Variants in MED12L observed in about 807,000 individuals in gnomAD.
MED12L encodes mediator of RNA polymerase II transcription subunit 12-like protein.
In MED12L, 60 loss-of-function variants were observed where a neutral mutation model predicts 281.3. That is an observed-to-expected ratio of 0.21 (90% confidence interval 0.17 to 0.26). The LOEUF (loss-of-function observed/expected upper bound fraction) is 0.26. Ranked by LOEUF, MED12L falls within the 10% of genes least tolerant of loss-of-function variation. MED12L has a pLI of 1.00. For synonymous variants in MED12L, 974 were observed against 987.2 expected (o/e 0.99, Z 0.25); for missense variants, 2,146 against 2,680.9 (o/e 0.80, Z 4.41).
intron 16 of MED12L, among the ~76,000 whole-genome samples, chr3:151,283,404 ATTTTCTC>A (rs1743070959): frequency 6.6e-6 from 1 of 152,222 alleles, no homozygotes; most frequent in African/African-American, 2.4e-5. Flanking sequence ...TTGTATGTGT[ATTTTCTC>A]TTTTCAGTAT....
At chr3:151,122,649 T>C (rs1322071378) in intron 3 of MED12L, 134 bp from the exon 4 acceptor site, 1 of 638,556 alleles carries the variant, frequency 1.6e-6, no homozygotes, top group South Asian at 3.2e-5. Context: ...CTTCAAAGAC[T>C]TAAATTCCCA....
chr3:151,324,201 A>T (rs572770587), intron 16 of MED12L, among the ~76,000 whole-genome samples: 1 of 152,338 alleles, frequency 6.6e-6, no homozygotes, highest in East Asian at 1.9e-4. Flanking sequence ...TATTTGTCTC[A>T]TAAGATTGTA....
At chr3:151,189,117 G>A (rs1723636854) in intron 13 of MED12L, among the ~76,000 whole-genome samples, 1 of 152,118 alleles carries the variant, frequency 6.6e-6, no homozygotes, top group Non-Finnish European at 1.5e-5. Flanking sequence ...TAAGGTAACA[G>A]AAAAATGGCA....
intron 17 of MED12L, among the ~76,000 whole-genome samples, chr3:151,352,180 G>C (rs1039402537): frequency 3.3e-5 from 5 of 152,138 alleles, no homozygotes; most frequent in Non-Finnish European, 4.4e-5. Flanking sequence ...TTAATAAACT[G>C]TGTTGTGTGT....
chr3:151,351,568 T>C (rs1753242673), intron 17 of MED12L, among the ~76,000 whole-genome samples: 1 of 152,196 alleles, frequency 6.6e-6, no homozygotes, highest in East Asian at 1.9e-4. Context: ...TGGTGTTTTC[T>C]CTGTCTTAGA....
chr3:151,114,033 A>G (rs559748362), intron 2 of MED12L, among the ~76,000 whole-genome samples: 2 of 152,168 alleles, frequency 1.3e-5, no homozygotes, highest in Non-Finnish European at 2.9e-5. Context: ...TTCTCATCCT[A>G]CTTTCCCCCT....
chr3:151,294,928 A>G lies in MED12L; in HGVS notation c.2251-55131A>G, dbSNP rs1744873135. ...TGCAGAGAATAAACTTGAAGTACCA[A>G]GGTCCAAATCCTGCATCATGGACTA... On this transcript the variant is annotated intron_variant, in intron 16 of 44. Coordinates refer to ENST00000687756, the MANE Select transcript of MED12L (RefSeq NM_001393769.1). 18 of 1,614,210 alleles carry G rather than the reference A, an allele frequency of 1.1e-5. No individual in the cohort carries two copies. In the East Asian group the frequency reaches 3.8e-4, roughly 34 times the overall value.
chr3:151,185,570 A>G, intron 12 of MED12L, 109 bp downstream of exon 12: 3 of 1,198,900 alleles, frequency 2.5e-6, no homozygotes, highest in Middle Eastern at 2.7e-4. Flanking sequence ...CTCTTGAGGA[A>G]AAAAGGGAGG....
At chr3:151,092,933 G>C (rs1720248510) in intron 2 of MED12L, among the ~76,000 whole-genome samples, 1 of 152,188 alleles carries the variant, frequency 6.6e-6, no homozygotes. Flanking sequence ...GCTGTTTTCA[G>C]CTTCTCACAG....
chr3:151,328,067 C>T, intron 16 of MED12L: 1 of 1,609,796 alleles, frequency 6.2e-7, no homozygotes, highest in South Asian at 1.1e-5. Context: ...CCCTTGCATA[C>T]ATGGTAGCTT....
chr3:151,192,797 C>T lies in MED12L; in HGVS notation c.2073+143C>T, dbSNP rs905000956. 3 of 669,858 alleles carry T rather than the reference C, an allele frequency of 4.5e-6. No individual in the cohort carries two copies. In the African/African-American group the frequency reaches 5.4e-5, roughly 12 times the overall value. 41.5% of individuals were successfully genotyped at this position (669,858 alleles called of 1,614,324 possible). A position where few individuals can be genotyped will look rare whatever the true frequency, so the allele number is the denominator to read the frequency against. The stretch of plus-strand genomic sequence containing the variant: ...CATATTCTTCCTTTGGTACAATTAT[C>T]ATCTGACACAATTGGGTCATCCTCA... On this transcript the variant is annotated intron_variant, in intron 15 of 44. Transcript: ENST00000687756.
Position 151,432,808 on chromosome 3 carries a change from T to A in MED12L, c.*4T>A. The A allele has an allele frequency of 6.2e-7, 1 of 1,611,552 alleles. No homozygotes were observed. Among genetic ancestry groups the A allele is most frequent in the Non-Finnish European group, 8.5e-7 (1 of 1,178,176 alleles). The stretch of plus-strand genomic sequence containing the variant: ...TGGGCATCCTTCACACTTCTGAATC[T>A]GCAAGAGGAGAAGACATGACGTTTT... On this transcript the variant is annotated 3_prime_UTR_variant, in exon 45 of 45. Coordinates refer to ENST00000687756, the MANE Select transcript of MED12L (RefSeq NM_001393769.1).
intron 17 of MED12L, among the ~76,000 whole-genome samples, chr3:151,350,514 TAATA>T (rs373768022): frequency 4.6e-5 from 7 of 152,286 alleles, no homozygotes; most frequent in African/African-American, 1.7e-4. Context: ...TCTATAGTAG[TAATA>T]AATGAAGTAC....
rs1720169061 is a variant in MED12L, at chr3:151,436,188, A to C, written c.*3384A>C. The C allele has an allele frequency of 6.5e-6, 1 of 153,232 alleles. No individual in the cohort carries two copies. Among genetic ancestry groups the C allele is most frequent in the African/African-American group, 2.4e-5 (1 of 41,452 alleles). The allele number at this position is 153,232 out of a possible 1,614,324, so 9.5% of individuals were successfully genotyped here. A position where few individuals can be genotyped will look rare whatever the true frequency, so the allele number is the denominator to read the frequency against. ...GTGTGAACAAATGGTGAATCATAAG[A>C]CAGTTCAGTGCTTATTTTCTGTAGG... On this transcript the variant is annotated 3_prime_UTR_variant, in exon 45 of 45. Coordinates refer to ENST00000687756, the MANE Select transcript of MED12L (RefSeq NM_001393769.1).
intron 16 of MED12L, among the ~76,000 whole-genome samples, chr3:151,254,970 T>C (rs1488998758): frequency 6.6e-6 from 1 of 152,230 alleles, no homozygotes; most frequent in African/African-American, 2.4e-5. Context: ...TACTTTGCCT[T>C]GCTGCTCTTT....
rs749110096 is a variant in MED12L, at chr3:151,199,008, C to T, written c.2250+5342C>T. 6.8e-6 allele frequency: 11 copies of T among 1,614,018 alleles called. No individual in the cohort carries two copies. In the East Asian group the frequency reaches 2.5e-4, roughly 36 times the overall value. On this transcript the variant is annotated intron_variant, in intron 16 of 44. Coordinates refer to ENST00000687756, the MANE Select transcript of MED12L (RefSeq NM_001393769.1). ...GATATCATTTTGGCAAATCCGGGTT[C>T]TTGTATTCGGTAGATCTTGCAGCTG...
At chr3:151,165,554 A>C in intron 10 of MED12L, 35 bp downstream of exon 10, 1 of 1,537,096 alleles carries the variant, frequency 6.5e-7, no homozygotes, top group Non-Finnish European at 9.0e-7. Flanking sequence ...GTGCTTTTGA[A>C]TGTTGGACTT....
chr3:151,331,002 T>C (rs1234195470), intron 16 of MED12L, among the ~76,000 whole-genome samples: 5 of 152,208 alleles, frequency 3.3e-5, no homozygotes, highest in South Asian at 2.1e-4. Context: ...AGTTTTTCTT[T>C]AAGCAAGATA....
intron 3 of MED12L, among the ~76,000 whole-genome samples, chr3:151,117,373 T>C (rs773266894): frequency 1.2e-4 from 18 of 152,156 alleles, no homozygotes; most frequent in Non-Finnish European, 2.4e-4. Flanking sequence ...CCAAACCAGA[T>C]CTGGATGCTC....
Sources: allele counts gnomAD v4.1 joint callset (sites outside exome capture counted in the v4.1 genomes callset), GRCh38; gene constraint gnomAD v4.1.1; transcripts MANE v1.5; gene names NCBI Gene and HGNC (gene_info 2026-07-23, HGNC 2026-07-21).